RGS7: variants seen among roughly 807,000 people sequenced by gnomAD.
The protein encoded by RGS7 is regulator of G-protein signaling 7.
A neutral mutation model predicts 81.1 loss-of-function variants in RGS7; 27 were observed. That is an observed-to-expected ratio of 0.33 (90% confidence interval 0.25 to 0.46). The LOEUF is 0.46. RGS7 is among the 20% of genes least tolerant of loss of function. The pLI is 1.00. For synonymous variants in RGS7, 208 were observed against 207.7 expected (o/e 1.00, Z -0.01); for missense variants, 396 against 607.4 (o/e 0.65, Z 3.66).
chr1:241,154,151 A>G (rs538894738), intron 2 of RGS7, among the ~76,000 whole-genome samples: 1 of 152,284 alleles, frequency 6.6e-6, no homozygotes, highest in South Asian at 2.1e-4. Flanking sequence ...TATATAAAGT[A>G]TTTTCAGATA....
chr1:241,121,570 G>A (rs1408645933), intron 2 of RGS7, among the ~76,000 whole-genome samples: 1 of 152,112 alleles, frequency 6.6e-6, no homozygotes, highest in African/African-American at 2.4e-5. Context: ...AGTGAGGGTG[G>A]ATGACAGAGA....
intron 3 of RGS7, among the ~76,000 whole-genome samples, chr1:241,000,850 T>A (rs1446388810): frequency 6.8e-5 from 10 of 148,064 alleles, no homozygotes; most frequent in Non-Finnish European, 1.5e-4. Flanking sequence ...AGAAACAGTG[T>A]TTCACCATGT....
chr1:240,839,662 G>C (rs1181580192), intron 9 of RGS7, among the ~76,000 whole-genome samples: 1 of 151,972 alleles, frequency 6.6e-6, no homozygotes, highest in Non-Finnish European at 1.5e-5. Context: ...TGAGGTGAAG[G>C]GCAGCATTCT....
chr1:241,126,213 A>C (rs2103017590), intron 2 of RGS7, among the ~76,000 whole-genome samples: 1 of 151,980 alleles, frequency 6.6e-6, no homozygotes, highest in South Asian at 2.1e-4. Context: ...GCAGTGGTGC[A>C]ATCTCGGCTC....
intron 3 of RGS7, among the ~76,000 whole-genome samples, chr1:241,072,840 T>A (rs1458507856): frequency 1.3e-5 from 2 of 152,132 alleles, no homozygotes; most frequent in Non-Finnish European, 1.5e-5. Flanking sequence ...TAGGCATGTA[T>A]TTACATGCCT....
chr1:241,282,921 CT>C (rs2078602728), intron 2 of RGS7, among the ~76,000 whole-genome samples: 1 of 152,112 alleles, frequency 6.6e-6, no homozygotes, highest in Non-Finnish European at 1.5e-5. Flanking sequence ...CTCCTATCTG[CT>C]TATCATTATA....
chr1:241,191,103 T>G (rs1183001510), intron 2 of RGS7, among the ~76,000 whole-genome samples: 6 of 152,004 alleles, frequency 3.9e-5, no homozygotes, highest in Non-Finnish European at 8.8e-5. Context: ...TGCCTCAGCC[T>G]CCCAAGTAGC....
chr1:240,944,915 G>A (rs557235356), intron 4 of RGS7, among the ~76,000 whole-genome samples: 1 of 152,384 alleles, frequency 6.6e-6, no homozygotes, highest in East Asian at 1.9e-4. Context: ...GTTTCACCAT[G>A]TTGGGCAGGA....
chr1:240,955,551 C>CAAAAAAAAAAAAAAAAAA (rs369155474), intron 4 of RGS7, among the ~76,000 whole-genome samples: 39 of 140,280 alleles, frequency 2.8e-4, no homozygotes, highest in Non-Finnish European at 4.0e-4. Flanking sequence ...GACTCTGTCT[C>CAAAAAAAAAAAAAAAAAA]AAAAAAAAAA....
At chr1:240,918,647 A>G (rs1672984288) in intron 6 of RGS7, among the ~76,000 whole-genome samples, 1 of 152,160 alleles carries the variant, frequency 6.6e-6, no homozygotes. Context: ...GAAAGATCTA[A>G]AATCAATAAT....
intron 3 of RGS7, among the ~76,000 whole-genome samples, chr1:241,012,757 T>C (rs1450939167): frequency 6.6e-6 from 1 of 152,178 alleles, no homozygotes; most frequent in Non-Finnish European, 1.5e-5. Context: ...CCAGGCTCTC[T>C]CTGAGTCCCC....
At chr1:240,796,773 G>A (rs6429223) in intron 18 of RGS7, among the ~76,000 whole-genome samples, 100,117 of 152,020 alleles carry the variant, frequency 0.66, 33,249 homozygotes, top group Non-Finnish European at 0.7. Flanking sequence ...TTTCTCTCAC[G>A]GAGTCTCCAC....
intron 9 of RGS7, among the ~76,000 whole-genome samples, chr1:240,839,746 A>AGT (rs1695298899): frequency 6.6e-6 from 1 of 152,164 alleles, no homozygotes; most frequent in African/African-American, 2.4e-5. Context: ...TTTTGGAAAA[A>AGT]GCCTGCCAGA....
intron 4 of RGS7, among the ~76,000 whole-genome samples, chr1:240,953,866 C>T (rs903545271): frequency 2.6e-5 from 4 of 151,876 alleles, no homozygotes; most frequent in African/African-American, 4.8e-5. Context: ...CCAGGCAAAC[C>T]GTGTGAAAAA....
intron 6 of RGS7, among the ~76,000 whole-genome samples, chr1:240,903,553 A>C (rs2148210611): frequency 6.6e-6 from 1 of 152,210 alleles, no homozygotes; most frequent in South Asian, 2.1e-4. Flanking sequence ...AGTTGGCAGA[A>C]CTGGCCTAGT....
At position 241,164,784 on chromosome 1, in the gene RGS7, T is replaced by C. The variant is rs1271717974; in HGVS notation, c.79-66022A>G. Among the ~76,000 whole-genome samples the C allele has an allele frequency of 6.6e-6, 1 of 152,256 alleles. No individual in the cohort carries two copies. On this transcript the variant is annotated intron_variant, in intron 2 of 18. Coordinates refer to ENST00000440928, the MANE Select transcript of RGS7 (RefSeq NM_001364886.1). This position sits in a 1 kb window ranked among gnomAD's most constrained non-coding sequence, Gnocchi z 4.1. ...CCGATTTGCAAGTGGCATGTGCTCA[T>C]ATGTACTTCAGATCAATACATTCTA...
At chr1:240,933,559 T>C (rs193207634) in intron 5 of RGS7, among the ~76,000 whole-genome samples, 17 of 151,468 alleles carry the variant, frequency 1.1e-4, no homozygotes, top group African/African-American at 2.2e-4. Flanking sequence ...AACGATAATA[T>C]AGGAGAACAA....
At chr1:240,988,219 T>TA (rs1477147430) in intron 3 of RGS7, among the ~76,000 whole-genome samples, 9 of 150,436 alleles carry the variant, frequency 6.0e-5, no homozygotes, top group Non-Finnish European at 1.3e-4. Flanking sequence ...AAGTCAGCTC[T>TA]AATGGTGACT....
rs139906194 is a variant in RGS7 at position 241,265,552 on chromosome 1, G to A, written c.78+90147C>T. Among the ~76,000 whole-genome samples the A allele has an allele frequency of 6.3e-4, 96 of 152,238 alleles. No homozygotes were observed. In the East Asian group the frequency reaches 0.015, roughly 24 times the overall value. On this transcript the variant is annotated intron_variant, in intron 2 of 18. Coordinates refer to ENST00000440928, the MANE Select transcript of RGS7 (RefSeq NM_001364886.1). ...ACAGGATGCAGCCTCCAGGCAAGAC[G>A]GCTGGGGCTGGGGACAGGGCTCCAA... is the stretch of plus-strand genomic sequence containing the variant.
Sources: allele counts gnomAD v4.1 joint callset (sites outside exome capture counted in the v4.1 genomes callset), GRCh38; gene constraint gnomAD v4.1.1; non-coding constraint Gnocchi (gnomAD v3.1); transcripts MANE v1.5; gene names NCBI Gene and HGNC (gene_info 2026-07-23, HGNC 2026-07-21).